NGDN: variants seen among roughly 807,000 people sequenced by gnomAD.
NGDN encodes the protein EIF4E-binding protein.
Under a neutral mutation model 45.2 loss-of-function variants are expected in NGDN, and 41 were observed. That is an observed-to-expected ratio of 0.91 (90% CI 0.71 to 1.18). The LOEUF (loss-of-function observed/expected upper bound fraction) is 1.18, where lower values mean the gene tolerates loss of function less well. Among genes scored for constraint, NGDN ranks in the 50% most tolerant of loss-of-function variants. The pLI, the probability that NGDN is intolerant of heterozygous loss-of-function variation, is 0.00. For synonymous variants in NGDN, 137 were observed against 130.9 expected (o/e 1.05, Z -0.32); for missense variants, 402 against 399.9 (o/e 1.01, Z -0.05).
chr14:23,475,578 C>T lies in NGDN; in HGVS notation c.303C>T (p.Pro101=). 6.2e-7 allele frequency: 1 copy of T among 1,614,094 alleles called. No homozygotes were observed. Among genetic ancestry groups the T allele is most frequent in the Non-Finnish European group, 8.5e-7 (1 of 1,180,026 alleles). The change falls in exon 5 of 11, where the codon CCC becomes CCT. Residue 101 remains proline (P), a synonymous_variant. Coordinates refer to ENST00000408901, the MANE Select transcript of NGDN (RefSeq NM_001042635.2). ...TGTAGGTTTTGGAAAAGCTTCGTCCCTTGGACCAAAAGCTGAAGTATCAAA... is the reference window on the plus strand; with the variant it reads ...TGTAGGTTTTGGAAAAGCTTCGTCCTTTGGACCAAAAGCTGAAGTATCAAA... ...EIRTVLEKLR[P]LDQKLKYQID...
Position 23,476,036 on chromosome 14 carries a change from C to A in NGDN, c.428C>A (p.Ser143Tyr). 6.2e-7 allele frequency: 1 copy of A among 1,614,100 alleles called. No individual in the cohort carries two copies. The highest frequency in any genetic ancestry group is 8.5e-7 in the Non-Finnish European group (1 of 1,180,020). ...ACATTGTTTCTTTTGTAGTTGAGCT[C>A]TGAGGATGAGGAGGAAGATGAAGCA... is the stretch of plus-strand genomic sequence containing the variant. ...HPSNMMSKLS[S>Y]EDEEEDEAED... The change falls in exon 7 of 11, where the codon TCT becomes TAT. Residue 143 changes from serine (S) to tyrosine (Y), a missense_variant. Transcript: ENST00000408901.
intron 3 of NGDN, among the ~76,000 whole-genome samples, chr14:23,474,626 T>C (rs1893855731): frequency 1.3e-5 from 2 of 152,188 alleles, no homozygotes; most frequent in Non-Finnish European, 2.9e-5. Context: ...TTTCTACAAC[T>C]TGTGGTGACA....
At chr14:23,472,842 T>G (rs1050215054) in intron 3 of NGDN, among the ~76,000 whole-genome samples, 3 of 152,232 alleles carry the variant, frequency 2.0e-5, no homozygotes, top group Non-Finnish European at 4.4e-5. Flanking sequence ...ATCATTCACT[T>G]ATGTTCTTAT....
At position 23,476,319 on chromosome 14, in the gene NGDN, C is replaced by G. The variant is rs766271765; in HGVS notation, c.625C>G (p.Leu209Val). ...RALSSSVIRE[L>V]KEQYSDAPEE... ...ATTGAGCAGCTCTGTCATTCGTGAA[C>G]TTAAGGAGCAGTACTCAGATGCTCC... Residue 209 changes from leucine (L) to valine (V), a missense_variant, in exon 8 of 11, where the codon CTT (leucine) becomes GTT (valine). Transcript: ENST00000408901. 6 of 1,614,048 alleles carry G rather than the reference C, an allele frequency of 3.7e-6. No individual in the cohort carries two copies. In the East Asian group the frequency reaches 1.3e-4, roughly 36 times the overall value.
rs761945743 is a variant in NGDN at position 23,476,318 on chromosome 14, A to G, written c.624A>G (p.Glu208=). The G allele has an allele frequency of 3.1e-6, 5 of 1,614,044 alleles. No homozygotes were observed. The highest frequency in any genetic ancestry group is 1.1e-5 in the South Asian group (1 of 91,070). ...RRALSSSVIR[E]LKEQYSDAPE... is the part of the protein sequence containing the mutation. ...CATTGAGCAGCTCTGTCATTCGTGA[A>G]CTTAAGGAGCAGTACTCAGATGCTC... Residue 208 remains glutamate (E), a synonymous_variant, in exon 8 of 11, where the codon GAA becomes GAG. Transcript: ENST00000408901.
chr14:23,469,915 C>T, intron 1 of NGDN, 127 bp from the exon 2 acceptor site: 1 of 1,248,724 alleles, frequency 8.0e-7, no homozygotes, highest in Non-Finnish European at 1.1e-6. Flanking sequence ...GTCTGTGAAC[C>T]CGAGTGTGAA....
Position 23,476,235 on chromosome 14 carries a change from G to A in NGDN, c.545-4G>A. ...GGATAACCCTGCTTATTTTCATCAT[G>A]TAGATGAAACAGAAGCTGAGCGGGA... On this transcript the variant is annotated splice_region_variant and splice_polypyrimidine_tract_variant and intron_variant, in intron 7 of 10. Coordinates refer to ENST00000408901, the MANE Select transcript of NGDN (RefSeq NM_001042635.2). 5.0e-6 allele frequency: 8 copies of A among 1,613,960 alleles called. No individual in the cohort carries two copies. The highest frequency in any genetic ancestry group is 6.8e-6 in the Non-Finnish European group (8 of 1,179,856).
At chr14:23,477,127 T>TGCAA in intron 8 of NGDN, 73 bp from the exon 9 acceptor site, 1 of 1,456,256 alleles carries the variant, frequency 6.9e-7, no homozygotes, top group Non-Finnish European at 9.5e-7. Flanking sequence ...AGTAGATACT[T>TGCAA]GGGCCCAGGT....
intron 3 of NGDN, among the ~76,000 whole-genome samples, chr14:23,472,158 C>T: frequency 7.0e-6 from 1 of 143,200 alleles, no homozygotes; most frequent in East Asian, 2.1e-4. Context: ...GCACTGCAGC[C>T]TGGGCAACAG....
At chr14:23,469,749 C>G (rs750932282) in intron 1 of NGDN, 22 bp downstream of exon 1, 1 of 1,614,084 alleles carries the variant, frequency 6.2e-7, no homozygotes, top group Non-Finnish European at 8.5e-7. Context: ...GTGGTTTCTT[C>G]CTCGCGTAGC....
chr14:23,477,189 T>A lies in NGDN; in HGVS notation c.714-11T>A. On this transcript the variant is annotated splice_polypyrimidine_tract_variant and intron_variant, in intron 8 of 10. Transcript: ENST00000408901. ...GGTCTGAGCCTGCTGGAAACTGTCT[T>A]TCTCTGGCAGGATTAACTATGAGGA... is the stretch of plus-strand genomic sequence containing the variant. 6.2e-7 allele frequency: 1 copy of A among 1,613,818 alleles called. No homozygotes were observed. Among genetic ancestry groups the A allele is most frequent in the Non-Finnish European group, 8.5e-7 (1 of 1,179,800 alleles).
chr14:23,474,006 C>G (rs528098950), intron 3 of NGDN, among the ~76,000 whole-genome samples: 1 of 145,254 alleles, frequency 6.9e-6, no homozygotes, highest in South Asian at 2.2e-4. Context: ...CCACTGCACT[C>G]CAGCCTGGGC....
At chr14:23,471,571 C>G (rs944454092) in intron 3 of NGDN, 1 of 152,394 alleles carries the variant, frequency 6.6e-6, no homozygotes, top group Non-Finnish European at 1.5e-5. Flanking sequence ...GTAATTCCAG[C>G]ACTTCAGGAG....
In NGDN at chr14:23,476,218, CT is replaced by C. The variant is rs1368076696; in HGVS notation, c.545-20del. 6.2e-7 allele frequency: 1 copy of C among 1,613,788 alleles called. No individual in the cohort carries two copies. Among genetic ancestry groups the C allele is most frequent in the South Asian group, 1.1e-5 (1 of 91,078 alleles). ...CTCTTTTCTCTGTTCTTGGATAACC[CT>C]GCTTATTTTCATCATGTAGATGAAA... On this transcript the variant is annotated intron_variant, in intron 7 of 10. Coordinates refer to ENST00000408901, the MANE Select transcript of NGDN (RefSeq NM_001042635.2).
chr14:23,475,300 A>T lies in NGDN; in HGVS notation c.274A>T (p.Ile92Phe), dbSNP rs757930257. Residue 92 changes from isoleucine (I) to phenylalanine (F), a missense_variant, in exon 4 of 11, where the codon ATT becomes TTT. Coordinates refer to ENST00000408901, the MANE Select transcript of NGDN (RefSeq NM_001042635.2). ...TGATGCAGTTTTGAGACTGGTGGAG[A>T]TTCGCACGGTATGAAGCATTTGGCT... The part of the protein sequence containing the change: ...GHDAVLRLVE[I>F]RTVLEKLRPL... The T allele has an allele frequency of 6.2e-7, 1 of 1,612,092 alleles. No individual in the cohort carries two copies. Among genetic ancestry groups the T allele is most frequent in the East Asian group, 2.2e-5 (1 of 44,876 alleles).
intron 2 of NGDN, chr14:23,470,341 A>G (rs1320480251): frequency 4.1e-6 from 2 of 489,178 alleles, no homozygotes; most frequent in Non-Finnish European, 7.3e-6. Context: ...AGCTAAGGAA[A>G]CCAGTGCTTG....
downstream of NGDN, chr14:23,478,591 T>C (rs1460900359): frequency 6.5e-6 from 1 of 152,784 alleles, no homozygotes; most frequent in Non-Finnish European, 1.5e-5. Context: ...TCTCTGAATG[T>C]TTTTCATTTC....
rs902313330 is a variant in NGDN at position 23,470,056 on chromosome 14, C to T, written c.27C>T (p.Ser9=). The T allele has an allele frequency of 3.1e-6, 5 of 1,614,018 alleles. No homozygotes were observed. Among genetic ancestry groups the T allele is most frequent in the Admixed American group, 1.7e-5 (1 of 60,006 alleles). ...CCCTTCTGTAGGGGGTGCTGGAGTCCGACCTGCCAAGTGCCGTGACACTTC... is the reference window on the plus strand; with the variant it reads ...CCCTTCTGTAGGGGGTGCTGGAGTCTGACCTGCCAAGTGCCGTGACACTTC... MAALGVLE[S]DLPSAVTLLK... Residue 9 remains serine (S), a synonymous_variant, in exon 2 of 11, where the codon TCC becomes TCT. Coordinates refer to ENST00000408901, the MANE Select transcript of NGDN (RefSeq NM_001042635.2).
chr14:23,477,721 C>A, intron 10 of NGDN, 161 bp downstream of exon 10: 1 of 1,465,088 alleles, frequency 6.8e-7, no homozygotes, highest in Non-Finnish European at 9.0e-7. Context: ...CTTTCCTGAG[C>A]TGGAAATCAG....
Sources: gnomAD v4.1 joint callset for allele counts (sites outside exome capture counted in the v4.1 genomes callset) on GRCh38, gnomAD v4.1.1 for gene constraint, MANE v1.5 for transcripts, NCBI Gene and HGNC (gene_info 2026-07-23, HGNC 2026-07-21) for gene names.